Variants in ATP5PF observed in about 807,000 individuals in gnomAD.
ATP5PF encodes the protein ATP synthase peripheral stalk subunit F6, mitochondrial.
Under a neutral mutation model 12.0 loss-of-function variants are expected in ATP5PF, and 7 were observed. The observed-to-expected ratio is 0.58, with a 90% CI of 0.33 to 1.10. ATP5PF has a LOEUF of 1.10. Ranked by LOEUF, ATP5PF falls within the 50% of genes least tolerant of loss-of-function variation. ATP5PF has a pLI of 0.03. For synonymous variants in ATP5PF, 41 were observed against 45.4 expected, an observed-to-expected ratio of 0.90 and a Z score of 0.39; for missense variants, 120 against 127.7, an observed-to-expected ratio of 0.94 and a Z score of 0.29.
Position 25,724,579 on chromosome 21 carries a change from C to T in ATP5PF, c.*61G>A. 2 of 1,544,058 alleles carry T rather than the reference C, an allele frequency of 1.3e-6. No homozygotes were observed. Among genetic ancestry groups the T allele is most frequent in the Non-Finnish European group, 1.8e-6 (2 of 1,126,162 alleles). On this transcript the variant is annotated 3_prime_UTR_variant, in exon 4 of 4. Transcript: ENST00000284971. ...TATGAAATGCATGTTTATTCTGAAA[C>T]TTCTAACTAGTTGTACAACTAATCC...
At chr21:25,725,901 C>T (rs1162273809) in intron 2 of ATP5PF, among the ~76,000 whole-genome samples, 5 of 152,332 alleles carry the variant, frequency 3.3e-5, no homozygotes, top group Admixed American at 6.5e-5. Context: ...CTCAGAATCA[C>T]GGACACTCAC....
intron 1 of ATP5PF, 54 bp from the exon 2 acceptor site, chr21:25,729,855 CTAAA>C: frequency 6.5e-7 from 1 of 1,538,194 alleles, no homozygotes; most frequent in East Asian, 2.3e-5. Flanking sequence ...TAAATCACCT[CTAAA>C]TATATCATGA....
chr21:25,730,736 CAAAAAAAAAAAAAAAAAAA>C (rs71183508), intron 1 of ATP5PF, among the ~76,000 whole-genome samples: 48 of 31,892 alleles, frequency 1.5e-3, no homozygotes, highest in East Asian at 5.4e-3. Flanking sequence ...CTCCGTCTCA[CAAAAAAAAAAAAAAAAAAA>C]AAAAAAAAAA....
intron 1 of ATP5PF, 21 bp downstream of exon 1, chr21:25,734,832 T>C: frequency 6.5e-7 from 1 of 1,531,998 alleles, no homozygotes; most frequent in Non-Finnish European, 8.8e-7. Context: ...GCCACGCTGA[T>C]CTAGCTACCC....
In ATP5PF at chr21:25,734,891, A is replaced by G. The variant is rs71649639; in HGVS notation, c.-46T>C. On this transcript the variant is annotated 5_prime_UTR_variant, in exon 1 of 4. Coordinates refer to ENST00000284971, the MANE Select transcript of ATP5PF (RefSeq NM_001003703.2). ...CCGAGCTGCCAAAGCCTCCGCCGCC[A>G]CCACCTCCGCTCTACTTCCGGCCCT... The G allele has an allele frequency of 2.3e-3, 3,593 of 1,555,616 alleles. 87 individuals are homozygous for G. The African/African-American group carries it at 0.044, about 19-fold the overall frequency.
chr21:25,732,497 A>G (rs1446508590), intron 1 of ATP5PF, among the ~76,000 whole-genome samples: 1 of 151,692 alleles, frequency 6.6e-6, no homozygotes, highest in Non-Finnish European at 1.5e-5. Flanking sequence ...AAAAAAAAAA[A>G]TAGCCAAGTG....
chr21:25,733,662 C>T (rs2034879459), intron 1 of ATP5PF, among the ~76,000 whole-genome samples: 1 of 152,206 alleles, frequency 6.6e-6, no homozygotes, highest in African/African-American at 2.4e-5. Flanking sequence ...GCAATAGGTT[C>T]ACCCGACATT....
intron 2 of ATP5PF, among the ~76,000 whole-genome samples, chr21:25,726,731 T>G (rs1418267074): frequency 6.6e-6 from 1 of 152,238 alleles, no homozygotes; most frequent in Non-Finnish European, 1.5e-5. Flanking sequence ...TCATTAATTC[T>G]TTGAAGAAAT....
intron 1 of ATP5PF, among the ~76,000 whole-genome samples, chr21:25,732,866 C>T (rs1334420664): frequency 6.6e-6 from 1 of 151,138 alleles, no homozygotes; most frequent in Non-Finnish European, 1.5e-5. Context: ...GCCTGTAATC[C>T]CAGCTACTCA....
intron 2 of ATP5PF, 90 bp from the exon 3 acceptor site, chr21:25,725,440 T>C (rs943240865): frequency 3.4e-6 from 4 of 1,169,048 alleles, no homozygotes; most frequent in Non-Finnish European, 4.5e-6. Context: ...CAACAGATCT[T>C]TTTTTTTTTT....
In ATP5PF at chr21:25,729,626, C is replaced by G; in HGVS notation, c.164+5G>C. 1 of 1,601,558 alleles carries G rather than the reference C, an allele frequency of 6.2e-7. No individual in the cohort carries two copies. The highest frequency in any genetic ancestry group is 1.1e-5 in the South Asian group (1 of 89,508). ...TATTTACACTGTAGTTATTTATTCA[C>G]TTACTGTCGCTTAGATTTGTATTCT... On this transcript the variant is annotated splice_donor_5th_base_variant and intron_variant, in intron 2 of 3. Transcript: ENST00000284971.
chr21:25,729,815 C>G lies in ATP5PF; in HGVS notation c.-7-14G>C. 1 of 1,608,646 alleles carries G rather than the reference C, an allele frequency of 6.2e-7. No homozygotes were observed. The highest frequency in any genetic ancestry group is 8.5e-7 in the Non-Finnish European group (1 of 1,178,510). ...ATCATGCTGATTCTGTTACAGAAAACAAGCAGCAGAAACGTTAATATACTT... is the reference window on the plus strand; with the variant it reads ...ATCATGCTGATTCTGTTACAGAAAAGAAGCAGCAGAAACGTTAATATACTT... On this transcript the variant is annotated splice_polypyrimidine_tract_variant and intron_variant, in intron 1 of 3. Coordinates refer to ENST00000284971, the MANE Select transcript of ATP5PF (RefSeq NM_001003703.2).
chr21:25,729,671 G>A lies in ATP5PF; in HGVS notation c.124C>T (p.Leu42Phe), dbSNP rs1183897090. 1 of 1,613,514 alleles carries A rather than the reference G, an allele frequency of 6.2e-7. No individual in the cohort carries two copies. The change falls in exon 2 of 4, where the codon CTC becomes TTC. Residue 42 changes from leucine to phenylalanine, a missense_variant. Leu to Phe is a conservative substitution (Grantham distance 22, BLOSUM62 0). Coordinates refer to ENST00000284971, the MANE Select transcript of ATP5PF (RefSeq NM_001003703.2). ...TATTCTCTAATCTTGTCCACAAAGA[G>A]TTTCTGTATAGGATCAAGTTCCTTA... is the stretch of plus-strand genomic sequence containing the variant. ...FNKELDPIQK[L>F]FVDKIREYKS...
chr21:25,729,722 T>C lies in ATP5PF; in HGVS notation c.73A>G (p.Ile25Val), dbSNP rs1194554045. 1 of 1,608,644 alleles carries C rather than the reference T, an allele frequency of 6.2e-7. No homozygotes were observed. The highest frequency in any genetic ancestry group is 2.3e-5 in the East Asian group (1 of 44,330). ...SAVSVHLRRN[I>V]GVTAVAFNKE... ...TTAAATGCCACTGCTGTAACACCAA[T>C]GTTCCTCCGCAAATGGACTGAGACG... Residue 25 changes from isoleucine to valine, a missense_variant, in exon 2 of 4, where the codon ATT becomes GTT. Coordinates refer to ENST00000284971, the MANE Select transcript of ATP5PF (RefSeq NM_001003703.2).
intron 2 of ATP5PF, among the ~76,000 whole-genome samples, chr21:25,728,186 A>T (rs2034666351): frequency 6.6e-6 from 1 of 152,084 alleles, no homozygotes; most frequent in African/African-American, 2.4e-5. Context: ...CTCTCTTCTC[A>T]TTTCAATCCT....
chr21:25,725,041 A>G, intron 3 of ATP5PF, 185 bp downstream of exon 3: 1 of 735,628 alleles, frequency 1.4e-6, no homozygotes, highest in Non-Finnish European at 2.1e-6. Flanking sequence ...TCACTATGTT[A>G]TGTGATCTCC....
chr21:25,734,807 C>T (rs2034956434), intron 1 of ATP5PF, 46 bp downstream of exon 1: 1 of 1,512,932 alleles, frequency 6.6e-7, no homozygotes, highest in Non-Finnish European at 8.8e-7. Context: ...AAACCCAGAA[C>T]TGGAGTCCCA....
rs774782770 is a variant in ATP5PF, at chr21:25,729,753, C to T, written c.42G>A (p.Arg14=). Residue 14 remains arginine, a synonymous_variant, in exon 2 of 4, where the codon CGG becomes CGA. Transcript: ENST00000284971. ...QRLFRFSSVI[R]SAVSVHLRRN... Reference sequence around the variant, plus strand: ...TCCGCAAATGGACTGAGACGGCTGACCGAATGACAGAGGAGAACCTGAAGA... The same window carrying T: ...TCCGCAAATGGACTGAGACGGCTGATCGAATGACAGAGGAGAACCTGAAGA... 2.5e-6 allele frequency: 4 copies of T among 1,613,830 alleles called. No homozygotes were observed. The highest frequency in any genetic ancestry group is 2.5e-6 in the Non-Finnish European group (3 of 1,179,986).
chr21:25,726,197 A>T (rs774074411), intron 2 of ATP5PF, among the ~76,000 whole-genome samples: 29 of 152,220 alleles, frequency 1.9e-4, no homozygotes, highest in Admixed American at 3.3e-4. Context: ...GCCATCACTA[A>T]ATGGCTTTTA....
Sources: allele counts gnomAD v4.1 joint callset (sites outside exome capture counted in the v4.1 genomes callset), GRCh38; gene constraint gnomAD v4.1.1; transcripts MANE v1.5; gene names NCBI Gene and HGNC (gene_info 2026-07-23, HGNC 2026-07-21).